Variants in ITK observed in about 807,000 individuals in gnomAD.
The protein encoded by ITK is tyrosine-protein kinase ITK/TSK.
ITK carries 45 observed loss-of-function variants against 87.6 expected under a neutral mutation model. That is an observed-to-expected ratio of 0.51 (90% CI 0.40 to 0.66). The LOEUF (loss-of-function observed/expected upper bound fraction) is 0.66, where lower values mean the gene tolerates loss of function less well. Among genes scored for constraint, ITK ranks in the 30% least tolerant of loss-of-function variants. The pLI is 0.00. For synonymous variants in ITK, 303 were observed against 273.6 expected, an observed-to-expected ratio of 1.11 and a Z score of -1.06; for missense variants, 605 against 766.3, an observed-to-expected ratio of 0.79 and a Z score of 2.48.
chr5:157,220,743 C>T (rs1293052441), intron 5 of ITK, among the ~76,000 whole-genome samples: 8 of 152,232 alleles, frequency 5.3e-5, no homozygotes, highest in Non-Finnish European at 1.0e-4. Flanking sequence ...TTATCAAACT[C>T]AATCCTGCCT....
chr5:157,208,993 G>C lies in ITK; in HGVS notation c.243G>C (p.Gln81His). 6.2e-7 allele frequency: 1 copy of C among 1,600,748 alleles called. No homozygotes were observed. The highest frequency in any genetic ancestry group is 1.3e-5 in the African/African-American group (1 of 74,730). The stretch of plus-strand genomic sequence containing the variant: ...CATGCCACTATAAATACCCGTTTCA[G>C]GTAAGTCCATCAGGTGGGTAGTTCC... Reference protein sequence around the residue: ...SIPCHYKYPFQVVHDNYLLYV... With the variant: ...SIPCHYKYPFHVVHDNYLLYV... Residue 81 changes from glutamine to histidine, a missense_variant and splice_region_variant, in exon 2 of 17, where the codon CAG becomes CAC. Gln to His is a conservative substitution (Grantham distance 24). Around this residue, in one of 3 missense-constraint regions of ITK, gnomAD observed 464 missense variants for 578.0 expected, o/e 0.80. Coordinates refer to ENST00000422843, the MANE Select transcript of ITK (RefSeq NM_005546.4).
At chr5:157,204,715 GA>G (rs892629070) in intron 1 of ITK, among the ~76,000 whole-genome samples, 10 of 146,140 alleles carry the variant, frequency 6.8e-5, no homozygotes, top group South Asian at 4.3e-4. Flanking sequence ...ACAAAAAAGA[GA>G]AAAAAAAAAG....
intron 1 of ITK, among the ~76,000 whole-genome samples, chr5:157,190,115 G>C (rs1203806509): frequency 1.3e-5 from 2 of 152,148 alleles, no homozygotes; most frequent in Non-Finnish European, 2.9e-5. Flanking sequence ...AATAAAATAA[G>C]AGCTAGATAC....
At chr5:157,194,157 A>G (rs1446535291) in intron 1 of ITK, among the ~76,000 whole-genome samples, 1 of 152,172 alleles carries the variant, frequency 6.6e-6, no homozygotes, top group African/African-American at 2.4e-5. Context: ...TGGTTACCCA[A>G]GTAGAATTAC....
At chr5:157,193,870 C>A (rs1472921016) in intron 1 of ITK, among the ~76,000 whole-genome samples, 1 of 150,854 alleles carries the variant, frequency 6.6e-6, no homozygotes, top group African/African-American at 2.4e-5. Context: ...TCATCAACAG[C>A]AACAATTTTT....
intron 8 of ITK, among the ~76,000 whole-genome samples, chr5:157,234,095 C>G (rs1201208207): frequency 6.7e-6 from 1 of 148,760 alleles, no homozygotes; most frequent in Non-Finnish European, 1.5e-5. Context: ...ATTCTCCTGC[C>G]TCAGCCTCCT....
chr5:157,204,034 C>T (rs1754028292), intron 1 of ITK, among the ~76,000 whole-genome samples: 1 of 152,146 alleles, frequency 6.6e-6, no homozygotes, highest in Non-Finnish European at 1.5e-5. Flanking sequence ...GAAACGGTGT[C>T]CTGCTCTGTC....
intron 7 of ITK, among the ~76,000 whole-genome samples, chr5:157,231,797 C>T (rs1331941810): frequency 4.6e-4 from 70 of 152,000 alleles, no homozygotes; most frequent in Non-Finnish European, 1.0e-4. Flanking sequence ...AAAAATAATG[C>T]AATTACTTGG....
At chr5:157,197,734 C>T (rs1753880498) in intron 1 of ITK, among the ~76,000 whole-genome samples, 2 of 152,140 alleles carry the variant, frequency 1.3e-5, no homozygotes, top group Admixed American at 6.5e-5. Flanking sequence ...ACAGAGTAGT[C>T]ATTATGTATG....
chr5:157,193,914 G>C (rs988466626), intron 1 of ITK, among the ~76,000 whole-genome samples: 3 of 152,146 alleles, frequency 2.0e-5, no homozygotes, highest in African/African-American at 7.2e-5. Context: ...ATCACTACAA[G>C]AAGAGGACTG....
intron 2 of ITK, among the ~76,000 whole-genome samples, chr5:157,210,306 C>A (rs766123474): frequency 2.0e-5 from 3 of 152,052 alleles, no homozygotes; most frequent in Non-Finnish European, 4.4e-5. Flanking sequence ...TTCCTGCTTG[C>A]CAACCTGAGG....
chr5:157,214,596 C>A (rs543966278), intron 4 of ITK, among the ~76,000 whole-genome samples: 1 of 152,092 alleles, frequency 6.6e-6, no homozygotes, highest in Non-Finnish European at 1.5e-5. Context: ...TGGCCCCACT[C>A]ATGACCTACT....
intron 4 of ITK, among the ~76,000 whole-genome samples, chr5:157,216,662 A>G (rs1221032868): frequency 1.3e-5 from 2 of 152,136 alleles, no homozygotes; most frequent in African/African-American, 2.4e-5. Context: ...GCAAGGCCAG[A>G]GGACGAAGAA....
At position 157,241,098 on chromosome 5, in the gene ITK, C is replaced by G. The variant is rs900143075; in HGVS notation, c.986-548C>G. ...GATTACAGGCATGTGCCACCACATC[C>G]CGCTAATTTTGGTATTTTTTGTAGA... On this transcript the variant is annotated intron_variant, in intron 10 of 16. Coordinates refer to ENST00000422843, the MANE Select transcript of ITK (RefSeq NM_005546.4). 3 of 153,514 alleles carry G rather than the reference C, an allele frequency of 2.0e-5. No homozygotes were observed. In the East Asian group the frequency reaches 5.7e-4, roughly 29 times the overall value. The allele number at this position is 153,514 out of a possible 1,614,324, so 9.5% of individuals were successfully genotyped here. A position where few individuals can be genotyped will look rare whatever the true frequency, so the allele number is the denominator to read the frequency against.
intron 1 of ITK, among the ~76,000 whole-genome samples, chr5:157,201,122 A>C (rs1353266826): frequency 1.3e-5 from 2 of 152,064 alleles, no homozygotes; most frequent in African/African-American, 4.8e-5. Context: ...TTCAATAAAC[A>C]AAGAAAAATA....
chr5:157,234,345 C>A (rs987113123), intron 8 of ITK, among the ~76,000 whole-genome samples: 1 of 152,066 alleles, frequency 6.6e-6, no homozygotes, highest in Non-Finnish European at 1.5e-5. Context: ...AATATGAGGG[C>A]AAACATCAAT....
At chr5:157,234,636 G>T (rs560438260) in intron 8 of ITK, among the ~76,000 whole-genome samples, 1 of 152,248 alleles carries the variant, frequency 6.6e-6, no homozygotes, top group South Asian at 2.1e-4. Context: ...CATGGATAAA[G>T]CTGGAAAACA....
chr5:157,233,928 GATACATATATATATATATAT>G (rs1269189354), intron 8 of ITK, among the ~76,000 whole-genome samples: 1 of 45,544 alleles, frequency 2.2e-5, no homozygotes, highest in Non-Finnish European at 4.0e-5. Flanking sequence ...CCTCCTTACT[GATACATATATATATATATAT>G]ATATATATAT....
intron 11 of ITK, 67 bp from the exon 12 acceptor site, chr5:157,243,556 C>T: frequency 7.6e-7 from 1 of 1,313,740 alleles, no homozygotes; most frequent in African/African-American, 1.5e-5. Flanking sequence ...CTTTATAGTC[C>T]CCTGGTATCC....
Sources: allele counts gnomAD v4.1 joint callset (sites outside exome capture counted in the v4.1 genomes callset), GRCh38; gene constraint gnomAD v4.1.1; regional missense constraint gnomAD v4.1.1; transcripts MANE v1.5; gene names NCBI Gene and HGNC (gene_info 2026-07-23, HGNC 2026-07-21).